The following PARP2 variants were observed in gnomAD, a reference collection of about 807,000 sequenced individuals.
PARP2 encodes poly [ADP-ribose] polymerase 2.
Under a neutral mutation model 77.8 loss-of-function variants are expected in PARP2, and 57 were observed. The ratio of observed to expected loss-of-function variants is 0.73; its 90% CI spans 0.59 to 0.91. The LOEUF (loss-of-function observed/expected upper bound fraction) is 0.91. Among genes scored for constraint, PARP2 ranks in the 40% least tolerant of loss-of-function variants. The pLI is 0.00. For synonymous variants in PARP2, 226 were observed against 242.6 expected, an observed-to-expected ratio of 0.93 and a Z score of 0.64; for missense variants, 651 against 689.0, an observed-to-expected ratio of 0.94 and a Z score of 0.62.
intron 11 of PARP2, 114 bp downstream of exon 11, chr14:20,356,145 T>C: frequency 7.0e-7 from 1 of 1,433,760 alleles, no homozygotes; most frequent in Non-Finnish European, 9.6e-7. Flanking sequence ...GGCAGACTTT[T>C]TATGTACTAG....
In PARP2 at chr14:20,347,055, G is replaced by A. The variant is rs147372211; in HGVS notation, c.324+142G>A. 268 of 560,146 alleles carry A rather than the reference G, an allele frequency of 4.8e-4. 2 individuals are homozygous for A. In the Middle Eastern group the frequency reaches 9.7e-3, roughly 20 times the overall value. The allele number at this position is 560,146 out of a possible 1,614,324, so 34.7% of individuals were successfully genotyped here. A position where few individuals can be genotyped will look rare whatever the true frequency, so the allele number is the denominator to read the frequency against. On this transcript the variant is annotated intron_variant, in intron 4 of 15. Coordinates refer to ENST00000429687, the MANE Select transcript of PARP2 (RefSeq NM_001042618.2). ...TTTTGTTTTTTCTTTTTGAAATGGA[G>A]TCTCACTTCATCTCTCAGGCTGGAA...
At chr14:20,355,715 T>A in intron 9 of PARP2, 37 bp from the exon 10 acceptor site, 2 of 1,554,880 alleles carry the variant, frequency 1.3e-6, no homozygotes, top group Non-Finnish European at 1.8e-6. Flanking sequence ...TAGCCACATG[T>A]CAGAAAGCTC....
Position 20,353,299 on chromosome 14 carries a change from T to C in PARP2, c.601-786T>C, listed in dbSNP as rs545940677. Among the ~76,000 whole-genome samples the C allele has an allele frequency of 3.3e-5, 5 of 152,092 alleles. No homozygotes were observed. In the South Asian group the frequency reaches 8.3e-4, roughly 25 times the overall value. Reference sequence around the variant, plus strand: ...CTCTGTCGCCCAGGCTGGAGTGCAGTGGCGCGATCTCGGCTCACTGCACGC... The same window carrying C: ...CTCTGTCGCCCAGGCTGGAGTGCAGCGGCGCGATCTCGGCTCACTGCACGC... On this transcript the variant is annotated intron_variant, in intron 7 of 15. Transcript: ENST00000429687.
At position 20,345,389 on chromosome 14, in the gene PARP2, C is replaced by T. The variant is rs1430848282; in HGVS notation, c.203-5C>T. 1 of 1,611,800 alleles carries T rather than the reference C, an allele frequency of 6.2e-7. No individual in the cohort carries two copies. Among genetic ancestry groups the T allele is most frequent in the Non-Finnish European group, 8.5e-7 (1 of 1,178,044 alleles). ...ATAAAGTAGTACCTATCTGTCTTTCCTCAGAATCTGTGAAGGCCTTGCTGT... is the reference window on the plus strand; with the variant it reads ...ATAAAGTAGTACCTATCTGTCTTTCTTCAGAATCTGTGAAGGCCTTGCTGT... On this transcript the variant is annotated splice_polypyrimidine_tract_variant and splice_region_variant and intron_variant, in intron 2 of 15. Coordinates refer to ENST00000429687, the MANE Select transcript of PARP2 (RefSeq NM_001042618.2).
At chr14:20,352,558 C>CTTTTTTCTTTT (rs1555316987) in intron 7 of PARP2, 1 of 208,724 alleles carries the variant, frequency 4.8e-6, no homozygotes, top group African/African-American at 3.0e-5. Context: ...GATTTTTTTT[C>CTTTTTTCTTTT]TTTTTTTTTT....
intron 4 of PARP2, among the ~76,000 whole-genome samples, chr14:20,347,382 ATATATATATATATATATTTT>A (rs1883791265): frequency 6.9e-5 from 1 of 14,466 alleles, no homozygotes. Flanking sequence ...ATATATATAT[ATATATATATATATATATTTT>A]TTTTTTTTTT....
At chr14:20,356,464 C>G in intron 12 of PARP2, 30 bp downstream of exon 12, 1 of 1,613,970 alleles carries the variant, frequency 6.2e-7, no homozygotes, top group Non-Finnish European at 8.5e-7. Flanking sequence ...TTTGGAAAGA[C>G]ACTCCTTGCC....
chr14:20,347,597 G>A (rs918335592), intron 4 of PARP2, among the ~76,000 whole-genome samples: 1 of 148,068 alleles, frequency 6.8e-6, no homozygotes, highest in African/African-American at 2.5e-5. Context: ...TTTTAGTAGA[G>A]ATGGGGTTTC....
rs746201116 is a variant in PARP2 at position 20,343,676 on chromosome 14, G to T, written c.35G>T (p.Gly12Val). 7 of 1,609,800 alleles carry T rather than the reference G, an allele frequency of 4.3e-6. No homozygotes were observed. In the South Asian group the frequency reaches 4.4e-5, roughly 10 times the overall value. The change falls in exon 1 of 16, where the codon GGC becomes GTC. Residue 12 changes from glycine to valine, a missense_variant. Gly to Val is a moderately radical substitution (Grantham distance 109, BLOSUM62 -3). Transcript: ENST00000429687. The stretch of plus-strand genomic sequence containing the variant: ...CGGCGGCGACGGAGCACCGGCGGCG[G>T]CAGGGCGAGAGGTTCGGAGCTCAAT... ...AARRRRSTGG[G>V]RARALNESKR...
Position 20,343,659 on chromosome 14 carries a change from A to G in PARP2, c.18A>G (p.Arg6=). 6.2e-7 allele frequency: 1 copy of G among 1,610,766 alleles called. No homozygotes were observed. The highest frequency in any genetic ancestry group is 8.5e-7 in the Non-Finnish European group (1 of 1,179,134). The change falls in exon 1 of 16, where the codon CGA becomes CGG. Residue 6 remains arginine, a synonymous_variant. Transcript: ENST00000429687. ...CGAATTCCATGGCGGCGCGGCGGCGACGGAGCACCGGCGGCGGCAGGGCGA... is the reference window on the plus strand; with the variant it reads ...CGAATTCCATGGCGGCGCGGCGGCGGCGGAGCACCGGCGGCGGCAGGGCGA... MAARR[R]RSTGGGRARA...
chr14:20,354,473 G>T (rs1884070536), intron 8 of PARP2, among the ~76,000 whole-genome samples: 1 of 152,208 alleles, frequency 6.6e-6, no homozygotes, highest in South Asian at 2.1e-4. Flanking sequence ...AAGGCAGGTG[G>T]ATTGCTTGAG....
chr14:20,352,185 A>G, intron 6 of PARP2, 60 bp from the exon 7 acceptor site: 1 of 866,784 alleles, frequency 1.2e-6, no homozygotes, highest in East Asian at 2.4e-5. Context: ...TCTGTCTTGT[A>G]AGTCCATCTT....
intron 9 of PARP2, chr14:20,355,177 A>T: frequency 4.7e-6 from 2 of 429,564 alleles, no homozygotes; most frequent in South Asian, 4.4e-5. Flanking sequence ...GAAGTTACCA[A>T]CCCAAGAGAG....
rs1883983498 is a variant in PARP2, at chr14:20,352,307, A to G, written c.560A>G (p.Lys187Arg). The part of the protein sequence containing the change: ...DREKFEKVPG[K>R]YDMLQMDYAT... ...GAAAAGTTTGAGAAGGTGCCTGGAA[A>G]ATATGATATGCTACAGATGGACTAT... is the stretch of plus-strand genomic sequence containing the variant. Residue 187 changes from lysine (K) to arginine (R), a missense_variant, in exon 7 of 16, where the codon AAA becomes AGA. Lys to Arg is a conservative substitution (Grantham distance 26, BLOSUM62 2). Transcript: ENST00000429687. 1.2e-6 allele frequency: 2 copies of G among 1,612,406 alleles called. No individual in the cohort carries two copies. The highest frequency in any genetic ancestry group is 1.6e-4 in the Middle Eastern group (1 of 6,080).
chr14:20,356,434 G>C lies in PARP2; in HGVS notation c.1229G>C (p.Arg410Thr), dbSNP rs769413066. The C allele has an allele frequency of 1.9e-6, 3 of 1,614,180 alleles. No homozygotes were observed. The highest frequency in any genetic ancestry group is 2.5e-6 in the Non-Finnish European group (3 of 1,180,018). The change falls in exon 12 of 16, where the codon AGG (arginine) becomes ACG (threonine). Residue 410 changes from arginine to threonine, a missense_variant and splice_region_variant. Coordinates refer to ENST00000429687, the MANE Select transcript of PARP2 (RefSeq NM_001042618.2). ...GCCTTCAGAGAGGACCTTCATAACA[G>C]GTCTGAGTCTAGCTTTGCGTTTGGA... ...KEAFREDLHN[R>T]MLLWHGSRMS...
intron 8 of PARP2, 62 bp downstream of exon 8, chr14:20,354,309 C>T: frequency 1.6e-6 from 2 of 1,274,056 alleles, no homozygotes; most frequent in Non-Finnish European, 2.3e-6. Flanking sequence ...TTAATGGATA[C>T]TTTATTATCA....
At position 20,351,232 on chromosome 14, in the gene PARP2, G is replaced by A. The variant is rs181107101; in HGVS notation, c.497+110G>A. On this transcript the variant is annotated intron_variant, in intron 6 of 15. Coordinates refer to ENST00000429687, the MANE Select transcript of PARP2 (RefSeq NM_001042618.2). ...TCACTCTTGTTGCCCAGGCTGGAGT[G>A]CAATGGCATGATCTGAGCTCACTGC... 12 of 676,996 alleles carry A rather than the reference G, an allele frequency of 1.8e-5. No homozygotes were observed. The East Asian group carries it at 3.6e-4, about 20-fold the overall frequency. The allele number at this position is 676,996 out of a possible 1,614,324, so 41.9% of individuals were successfully genotyped here. A position where few individuals can be genotyped will look rare whatever the true frequency, so the allele number is the denominator to read the frequency against.
intron 6 of PARP2, among the ~76,000 whole-genome samples, chr14:20,351,457 C>T (rs753091501): frequency 3.3e-5 from 5 of 152,270 alleles, no homozygotes; most frequent in Admixed American, 1.3e-4. Flanking sequence ...GGATTACAGG[C>T]GTGAGCCACC....
Position 20,356,665 on chromosome 14 carries a change from T to C in PARP2, c.1305T>C (p.Pro435=), listed in dbSNP as rs370863383. 10 of 1,613,540 alleles carry C rather than the reference T, an allele frequency of 6.2e-6. No homozygotes were observed. In the East Asian group the frequency reaches 2.2e-4, roughly 36 times the overall value. ...ILSHGLRIAP[P]EAPITGYMFG... ...GCCATGGGCTTCGAATTGCCCCACC[T>C]GAAGCTCCCATCACAGGTTACATGG... The change falls in exon 13 of 16, where the codon CCT becomes CCC. Residue 435 remains proline, a synonymous_variant. Transcript: ENST00000429687.
Sources: gnomAD v4.1 joint callset for allele counts (sites outside exome capture counted in the v4.1 genomes callset) on GRCh38, gnomAD v4.1.1 for gene constraint, MANE v1.5 for transcripts, NCBI Gene and HGNC (gene_info 2026-07-23, HGNC 2026-07-21) for gene names.